The following ANKRD17 variants were observed in gnomAD, a reference collection of about 807,000 sequenced individuals.
The protein encoded by ANKRD17 is ankyrin repeat domain-containing protein 17.
Under a neutral mutation model 229.7 loss-of-function variants are expected in ANKRD17, and 19 were observed. The observed-to-expected ratio is 0.08, with a 90% confidence interval of 0.06 to 0.12. ANKRD17 has a LOEUF of 0.12. Among genes scored for constraint, ANKRD17 ranks in the 10% least tolerant of loss-of-function variants. ANKRD17 has a pLI of 1.00. For synonymous variants in ANKRD17, 1,112 were observed against 1,146.1 expected, an observed-to-expected ratio of 0.97 and a Z score of 0.60; for missense variants, 2,176 against 3,176.8, an observed-to-expected ratio of 0.68 and a Z score of 7.57.
intron 18 of ANKRD17, among the ~76,000 whole-genome samples, chr4:73,122,339 T>C (rs1726853838): frequency 6.6e-6 from 1 of 152,176 alleles, no homozygotes; most frequent in African/African-American, 2.4e-5. Context: ...CTATGTACAC[T>C]CCCTTCAATA....
chr4:73,160,404 A>T (rs28460851), intron 3 of ANKRD17, among the ~76,000 whole-genome samples: 1 of 151,770 alleles, frequency 6.6e-6, no homozygotes, highest in Non-Finnish European at 1.5e-5. Flanking sequence ...TTCTTAGTAG[A>T]GACAGGGTTT....
At chr4:73,158,190 G>A (rs991947353) in intron 3 of ANKRD17, among the ~76,000 whole-genome samples, 15 of 87,858 alleles carry the variant, frequency 1.7e-4, no homozygotes, top group South Asian at 4.6e-4. Context: ...GAAAGAAAGA[G>A]AGAGAAAGAA....
rs766308292 is a variant in ANKRD17, at chr4:73,177,435, G to A, written c.492C>T (p.Leu164=). 9.3e-6 allele frequency: 15 copies of A among 1,613,442 alleles called. No homozygotes were observed. The South Asian group carries it at 1.1e-4, about 12-fold the overall frequency. Residue 164 remains leucine (L), a synonymous_variant, in exon 2 of 34, where the codon CTC becomes CTT. Coordinates refer to ENST00000358602, the MANE Select transcript of ANKRD17 (RefSeq NM_032217.5). ...CCTGTGTTTCTGGATCTACTGTCCT[G>A]AGGTCTGCACCATCAGCAGTACCTG... The part of the protein sequence containing the change: ...LLSGTADGAD[L]RTVDPETQAR...
At chr4:73,250,688 T>TTG (rs1744937605) in intron 1 of ANKRD17, among the ~76,000 whole-genome samples, 1 of 148,616 alleles carries the variant, frequency 6.7e-6, no homozygotes, top group Non-Finnish European at 1.5e-5. Context: ...TGTAACGGTT[T>TTG]TTGTTGTTGT....
At chr4:73,128,229 TA>T (rs1463446311) in intron 16 of ANKRD17, among the ~76,000 whole-genome samples, 5 of 152,242 alleles carry the variant, frequency 3.3e-5, no homozygotes, top group Admixed American at 2.0e-4. Flanking sequence ...ATATGTGCTT[TA>T]AAAAACCCAA....
rs75749513 is a variant in ANKRD17, at chr4:73,220,368, G to A, written c.393+37908C>T. ...GTTTGGAGAAGAAAATTACTGCCTG[G>A]ATTATTTGAATAAATGAAATAGCCA... On this transcript the variant is annotated intron_variant, in intron 1 of 33. Transcript: ENST00000358602. Among the ~76,000 whole-genome samples the A allele has an allele frequency of 5.3e-4, 80 of 152,098 alleles. 1 individual carries two copies. In the South Asian group the frequency reaches 0.016, roughly 30 times the overall value.
intron 1 of ANKRD17, among the ~76,000 whole-genome samples, chr4:73,219,428 T>G (rs1741568003): frequency 6.6e-6 from 1 of 152,232 alleles, no homozygotes; most frequent in South Asian, 2.1e-4. Context: ...CAAGTGGATT[T>G]CCCTTGTTTG....
At chr4:73,154,157 C>T in intron 5 of ANKRD17, 44 bp from the exon 6 acceptor site, 5 of 1,361,968 alleles carry the variant, frequency 3.7e-6, no homozygotes, top group Non-Finnish European at 4.9e-6. Flanking sequence ...CATAAAATAC[C>T]AAAATAAATT....
intron 16 of ANKRD17, among the ~76,000 whole-genome samples, chr4:73,127,358 A>T (rs1267322160): frequency 2.0e-5 from 3 of 152,238 alleles, no homozygotes; most frequent in Non-Finnish European, 4.4e-5. Context: ...ATGTTAAAAC[A>T]ATATTTGGAT....
chr4:73,177,246 A>C (rs1560659186), intron 2 of ANKRD17, 134 bp downstream of exon 2: 2 of 873,238 alleles, frequency 2.3e-6, no homozygotes, highest in African/African-American at 3.5e-5. Flanking sequence ...AATTCAGCAG[A>C]AAGTAATCAA....
intron 2 of ANKRD17, among the ~76,000 whole-genome samples, chr4:73,161,639 G>A (rs542085347): frequency 5.9e-5 from 9 of 152,236 alleles, no homozygotes; most frequent in Admixed American, 3.9e-4. Flanking sequence ...CTGAAAGAAC[G>A]TATATTCAAA....
At position 73,075,942 on chromosome 4, in the gene ANKRD17, C is replaced by T. The variant is rs1336556262; in HGVS notation, c.*289G>A. 1 of 277,962 alleles carries T rather than the reference C, an allele frequency of 3.6e-6. No homozygotes were observed. The highest frequency in any genetic ancestry group is 6.7e-6 in the Non-Finnish European group (1 of 149,088). The allele number at this position is 277,962 out of a possible 1,614,324, so 17.2% of individuals were successfully genotyped here. On this transcript the variant is annotated 3_prime_UTR_variant, in exon 34 of 34. Coordinates refer to ENST00000358602, the MANE Select transcript of ANKRD17 (RefSeq NM_032217.5). Reference sequence around the variant, plus strand: ...AAGCAGTTTACAGTACTAAAACCAACCAGCCAAAGAACAGCTTCAACAGAA... The same window carrying T: ...AAGCAGTTTACAGTACTAAAACCAATCAGCCAAAGAACAGCTTCAACAGAA...
At chr4:73,108,465 T>G (rs1008218362) in intron 24 of ANKRD17, among the ~76,000 whole-genome samples, 11 of 152,098 alleles carry the variant, frequency 7.2e-5, no homozygotes, top group Non-Finnish European at 1.3e-4. Context: ...AAAAGGCTTT[T>G]CGCTAAAAGG....
chr4:73,102,745 A>G, intron 24 of ANKRD17, 198 bp from the exon 25 acceptor site: 1 of 532,474 alleles, frequency 1.9e-6, no homozygotes, highest in South Asian at 2.9e-5. Context: ...TCAAATTAAC[A>G]ATATAAGACT....
chr4:73,141,624 A>C lies in ANKRD17; in HGVS notation c.2332+117T>G, dbSNP rs147350813. ...CAATAACATGCTTTTATCATGGGTT[A>C]AAAATTTAGTAATGCCAACTTAGTA... On this transcript the variant is annotated intron_variant, in intron 14 of 33. Coordinates refer to ENST00000358602, the MANE Select transcript of ANKRD17 (RefSeq NM_032217.5). 3.0e-5 allele frequency: 28 copies of C among 925,098 alleles called. No homozygotes were observed. In the East Asian group the frequency reaches 6.3e-4, roughly 21 times the overall value. The allele number at this position is 925,098 out of a possible 1,614,324, so 57.3% of individuals were successfully genotyped here. A position where few individuals can be genotyped will look rare whatever the true frequency, so the allele number is the denominator to read the frequency against.
At chr4:73,194,860 T>G (rs1043943576) in intron 1 of ANKRD17, among the ~76,000 whole-genome samples, 2 of 152,158 alleles carry the variant, frequency 1.3e-5, no homozygotes, top group East Asian at 1.9e-4. Flanking sequence ...ATTAACTGTT[T>G]TTTTTAGTTT....
At chr4:73,080,195 CAA>C (rs765200944) in intron 30 of ANKRD17, among the ~76,000 whole-genome samples, 1 of 151,788 alleles carries the variant, frequency 6.6e-6, no homozygotes, top group Non-Finnish European at 1.5e-5. Context: ...GCTTAAAAAT[CAA>C]AACTGTTACC....
intron 1 of ANKRD17, among the ~76,000 whole-genome samples, chr4:73,190,559 C>CAAAAAAAAAA (rs1488814407): frequency 1.6e-5 from 2 of 126,638 alleles, no homozygotes; most frequent in Admixed American, 7.7e-5. Context: ...AAAAAAAAAA[C>CAAAAAAAAAA]AAAACAAAAA....
At chr4:73,183,107 T>TG (rs1374257330) in intron 1 of ANKRD17, among the ~76,000 whole-genome samples, 1 of 152,126 alleles carries the variant, frequency 6.6e-6, no homozygotes, top group Non-Finnish European at 1.5e-5. Context: ...GTAAGTAGAA[T>TG]GGGAGCAAAA....
Sources: allele counts gnomAD v4.1 joint callset (sites outside exome capture counted in the v4.1 genomes callset), GRCh38; gene constraint gnomAD v4.1.1; transcripts MANE v1.5; gene names NCBI Gene and HGNC (gene_info 2026-07-23, HGNC 2026-07-21).